Variants in DCN observed in about 807,000 individuals in gnomAD.
The protein encoded by DCN is decorin.
A neutral mutation model predicts 36.5 loss-of-function variants in DCN; 17 were observed. The observed-to-expected ratio is 0.47, with a 90% CI of 0.32 to 0.70. DCN has a LOEUF of 0.70. Ranked by LOEUF, DCN falls within the 30% of genes least tolerant of loss-of-function variation. DCN has a pLI of 0.04. For missense variants in DCN, 389 were observed against 430.1 expected, an observed-to-expected ratio of 0.90 and a Z score of 0.84; for synonymous variants, 163 against 161.4, an observed-to-expected ratio of 1.01 and a Z score of -0.07.
rs1489040267 is a variant in DCN at position 91,151,494 on chromosome 12, T to A, written c.885+160A>T. Reference sequence around the variant, plus strand: ...TCTAGCTAATGTAAATTGTGCTTCATGATTTAATTTTTTTTATGGTATTTT... The same window carrying A: ...TCTAGCTAATGTAAATTGTGCTTCAAGATTTAATTTTTTTTATGGTATTTT... On this transcript the variant is annotated intron_variant, in intron 7 of 7. Coordinates refer to ENST00000052754, the MANE Select transcript of DCN (RefSeq NM_001920.5). 3.9e-6 allele frequency: 3 copies of A among 761,540 alleles called. No homozygotes were observed. The Admixed American group carries it at 6.9e-5, about 17-fold the overall frequency. 47.2% of individuals were successfully genotyped at this position (761,540 alleles called of 1,614,324 possible).
chr12:91,156,493 C>G (rs1026778354), intron 5 of DCN, among the ~76,000 whole-genome samples: 1 of 152,038 alleles, frequency 6.6e-6, no homozygotes, highest in Non-Finnish European at 1.5e-5. Context: ...AAATGAATAA[C>G]TTTTTCAAAG....
At chr12:91,152,003 C>T (rs1881464640) in intron 6 of DCN, among the ~76,000 whole-genome samples, 1 of 152,162 alleles carries the variant, frequency 6.6e-6, no homozygotes, top group Admixed American at 6.5e-5. Context: ...CTTTGAGATT[C>T]ATCTGACAGA....
intron 5 of DCN, among the ~76,000 whole-genome samples, chr12:91,155,858 G>A (rs1881735749): frequency 6.6e-6 from 1 of 152,130 alleles, no homozygotes; most frequent in African/African-American, 2.4e-5. Flanking sequence ...GTATTCAAAA[G>A]ACTAGGAGGA....
rs13312824 is a variant in DCN, at chr12:91,182,208, C to A, written c.-34+447G>T. On this transcript the variant is annotated intron_variant, in intron 1 of 7. Coordinates refer to ENST00000052754, the MANE Select transcript of DCN (RefSeq NM_001920.5). ...TACATTAGGTATTTTCAGCTAATCACCAGAGTTCAGTTCTTCTGGGCTTTT... is the reference window on the plus strand; with the variant it reads ...TACATTAGGTATTTTCAGCTAATCAACAGAGTTCAGTTCTTCTGGGCTTTT... 5.9e-3 allele frequency among the ~76,000 whole-genome samples: 891 copies of A among 152,170 alleles called. 10 individuals are homozygous for A. The highest frequency in any genetic ancestry group is 0.019 in the African/African-American group (775 of 41,534).
At position 91,145,898 on chromosome 12, in the gene DCN, G is replaced by A. The variant is rs7441; in HGVS notation, c.*160C>T. On this transcript the variant is annotated 3_prime_UTR_variant, in exon 8 of 8. Transcript: ENST00000052754. ...CAGGCAAAATTTCTTTTTATTGTAGGCAATTACTTAAACTGGAAATTTGGC... is the reference window on the plus strand; with the variant it reads ...CAGGCAAAATTTCTTTTTATTGTAGACAATTACTTAAACTGGAAATTTGGC... The A allele has an allele frequency of 0.077, 48,233 of 630,010 alleles. 2,294 individuals carry two copies. The highest frequency in any genetic ancestry group is 0.17 in the African/African-American group (9,375 of 54,296). The allele number at this position is 630,010 out of a possible 1,614,324, so 39.0% of individuals were successfully genotyped here. A position where few individuals can be genotyped will look rare whatever the true frequency, so the allele number is the denominator to read the frequency against.
chr12:91,162,185 C>T (rs868543644), intron 3 of DCN, among the ~76,000 whole-genome samples: 2 of 152,166 alleles, frequency 1.3e-5, no homozygotes, highest in African/African-American at 2.4e-5. Context: ...GTGATCCACC[C>T]GCCTTGACCT....
At chr12:91,166,632 C>T (rs935131727) in intron 2 of DCN, among the ~76,000 whole-genome samples, 1 of 152,060 alleles carries the variant, frequency 6.6e-6, no homozygotes, top group Non-Finnish European at 1.5e-5. Context: ...TTTGTCAATG[C>T]GAAACTGCAG....
chr12:91,161,554 G>A (rs1328853068), intron 3 of DCN, among the ~76,000 whole-genome samples: 2 of 152,110 alleles, frequency 1.3e-5, no homozygotes, highest in Non-Finnish European at 2.9e-5. Context: ...GCTCATTCCC[G>A]GTGAAACCTT....
intron 2 of DCN, 80 bp downstream of exon 2, chr12:91,178,260 CTG>C: frequency 8.0e-7 from 1 of 1,256,698 alleles, no homozygotes; most frequent in Non-Finnish European, 1.2e-6. Flanking sequence ...GAGATTAAAA[CTG>C]AAAATGCTAA....
chr12:91,152,394 T>G (rs1592681954), intron 6 of DCN, among the ~76,000 whole-genome samples: 1 of 152,128 alleles, frequency 6.6e-6, no homozygotes, highest in Non-Finnish European at 1.5e-5. Flanking sequence ...AAATCTGGCA[T>G]GATAGTGTGC....
chr12:91,140,953 T>C lies in DCN; in HGVS notation c.*5105A>G, dbSNP rs1390810049. The C allele has an allele frequency of 6.6e-6, 1 of 152,226 alleles. No individual in the cohort carries two copies. The highest frequency in any genetic ancestry group is 1.9e-4 in the East Asian group (1 of 5,174). 9.4% of individuals were successfully genotyped at this position (152,226 alleles called of 1,614,324 possible). ...TCAGCCATCCCTGGCCTCTCTACCA[T>C]CAAAACAAACCCCATATTTTGATCC... On this transcript the variant is annotated 3_prime_UTR_variant, in exon 8 of 8. Transcript: ENST00000052754.
intron 7 of DCN, 66 bp from the exon 8 acceptor site, chr12:91,146,318 A>C: frequency 1.3e-6 from 1 of 754,630 alleles, no homozygotes; most frequent in South Asian, 2.1e-5. Context: ...TCAGGTAAAC[A>C]TTTTATTTTT....
chr12:91,168,986 AATCCCC>A lies in DCN; in HGVS notation c.212-4275_212-4270del, dbSNP rs1882760202. Among the ~76,000 whole-genome samples the A allele has an allele frequency of 2.6e-5, 4 of 151,352 alleles. No homozygotes were observed. In the Admixed American group the frequency reaches 2.7e-4, roughly 10 times the overall value. On this transcript the variant is annotated intron_variant, in intron 2 of 7. Coordinates refer to ENST00000052754, the MANE Select transcript of DCN (RefSeq NM_001920.5). ...TTAGAAGCTTCTAAATGAAGAAACA[AATCCCC>A]ATTCATAGATTTGTATTTTCAAAAA...
At chr12:91,165,036 G>A (rs1221163574) in intron 2 of DCN, among the ~76,000 whole-genome samples, 1 of 152,052 alleles carries the variant, frequency 6.6e-6, no homozygotes, top group Non-Finnish European at 1.5e-5. Context: ...CTTTGTTGTT[G>A]TATTGAAAAG....
chr12:91,167,122 C>CT (rs558985404), intron 2 of DCN, among the ~76,000 whole-genome samples: 1 of 151,824 alleles, frequency 6.6e-6, no homozygotes, highest in Non-Finnish European at 1.5e-5. Flanking sequence ...TCCAGCATGA[C>CT]TTTTTTTTCT....
chr12:91,178,917 C>G (rs995348399), intron 1 of DCN, among the ~76,000 whole-genome samples: 2 of 152,118 alleles, frequency 1.3e-5, no homozygotes, highest in Non-Finnish European at 2.9e-5. Flanking sequence ...TCAATGCTCA[C>G]TTAACACATG....
At chr12:91,169,378 C>CAAAAA (rs58056993) in intron 2 of DCN, among the ~76,000 whole-genome samples, 114 of 73,134 alleles carry the variant, frequency 1.6e-3, no homozygotes, top group Admixed American at 2.1e-3. Flanking sequence ...GAGATCCTGT[C>CAAAAA]AAAAAAAAAA....
intron 7 of DCN, among the ~76,000 whole-genome samples, chr12:91,147,731 G>T (rs192504029): frequency 2.0e-5 from 3 of 152,120 alleles, no homozygotes; most frequent in Admixed American, 2.0e-4. Context: ...TTGAAATAAA[G>T]AATCACAAAC....
At chr12:91,162,918 G>T (rs1248729111) in intron 3 of DCN, among the ~76,000 whole-genome samples, 2 of 152,070 alleles carry the variant, frequency 1.3e-5, no homozygotes, top group Non-Finnish European at 2.9e-5. Context: ...GTGCCTATGA[G>T]ACCTAATTTC....
Sources: allele counts gnomAD v4.1 joint callset (sites outside exome capture counted in the v4.1 genomes callset), GRCh38; gene constraint gnomAD v4.1.1; transcripts MANE v1.5; gene names NCBI Gene and HGNC (gene_info 2026-07-23, HGNC 2026-07-21).